Variants in PCSK6 observed in about 807,000 individuals in gnomAD.
PCSK6 encodes paired basic amino acid cleaving enzyme 4.
A neutral mutation model predicts 123.3 loss-of-function variants in PCSK6; 85 were observed. That is an observed-to-expected ratio of 0.69 (90% CI 0.58 to 0.83). PCSK6 has a LOEUF of 0.83. Among genes scored for constraint, PCSK6 ranks in the 40% least tolerant of loss-of-function variants. The pLI, the probability that PCSK6 is intolerant of heterozygous loss-of-function variation, is 0.00. For synonymous variants in PCSK6, 508 were observed against 516.0 expected, an observed-to-expected ratio of 0.98 and a Z score of 0.21; for missense variants, 1,191 against 1,282.3, an observed-to-expected ratio of 0.93 and a Z score of 1.09.
chr15:101,367,491 G>A (rs1231740632), intron 12 of PCSK6, among the ~76,000 whole-genome samples: 1 of 152,200 alleles, frequency 6.6e-6, no homozygotes, highest in Non-Finnish European at 1.5e-5. Flanking sequence ...CAATGGAGAA[G>A]AGTGAGGGGG....
chr15:101,401,517 G>A (rs1187935498), intron 6 of PCSK6, among the ~76,000 whole-genome samples: 1 of 152,202 alleles, frequency 6.6e-6, no homozygotes, highest in Non-Finnish European at 1.5e-5. Context: ...GAGTGGAGCT[G>A]TCACTCACAG....
intron 13 of PCSK6, among the ~76,000 whole-genome samples, chr15:101,344,723 C>T (rs2040691751): frequency 6.6e-6 from 1 of 152,152 alleles, no homozygotes; most frequent in African/African-American, 2.4e-5. Flanking sequence ...ATGAACTTGG[C>T]TCATTCCAAC....
At chr15:101,429,433 G>GT (rs2056372015) in intron 5 of PCSK6, among the ~76,000 whole-genome samples, 1 of 152,142 alleles carries the variant, frequency 6.6e-6, no homozygotes, top group South Asian at 2.1e-4. Context: ...ACCCTGTGAG[G>GT]TAGGGGACAT....
chr15:101,316,176 G>C (rs943923705), intron 19 of PCSK6: 1 of 152,304 alleles, frequency 6.6e-6, no homozygotes, highest in Non-Finnish European at 1.5e-5. Context: ...GAAGCCTCCA[G>C]TGACTCAGAG....
At chr15:101,486,711 G>A (rs1399542475) in intron 1 of PCSK6, among the ~76,000 whole-genome samples, 1 of 152,218 alleles carries the variant, frequency 6.6e-6, no homozygotes, top group Non-Finnish European at 1.5e-5. Flanking sequence ...TCTGGGCCAT[G>A]TGAAATAAAC....
intron 11 of PCSK6, among the ~76,000 whole-genome samples, chr15:101,376,036 A>G (rs952865244): frequency 6.6e-6 from 1 of 152,160 alleles, no homozygotes; most frequent in Non-Finnish European, 1.5e-5. Context: ...TCCATCTCAA[A>G]TAAAAACAAG....
At chr15:101,457,481 T>C (rs1479094116) in intron 1 of PCSK6, among the ~76,000 whole-genome samples, 1 of 151,850 alleles carries the variant, frequency 6.6e-6, no homozygotes, top group African/African-American at 2.4e-5. Context: ...GTCAGCTGGG[T>C]TTTTTCATAG....
At chr15:101,450,369 T>C (rs564565388) in intron 1 of PCSK6, among the ~76,000 whole-genome samples, 18 of 152,194 alleles carry the variant, frequency 1.2e-4, no homozygotes, top group Non-Finnish European at 1.9e-4. Flanking sequence ...TTCACACCCC[T>C]GTGCTCGCTC....
chr15:101,341,947 T>G (rs2040618348), intron 13 of PCSK6, among the ~76,000 whole-genome samples: 1 of 152,018 alleles, frequency 6.6e-6, no homozygotes, highest in Admixed American at 6.6e-5. Flanking sequence ...CCGGCCAACA[T>G]GGCGAAAACC....
intron 2 of PCSK6, among the ~76,000 whole-genome samples, chr15:101,440,670 A>G (rs537324478): frequency 1.3e-5 from 2 of 152,350 alleles, no homozygotes; most frequent in East Asian, 3.9e-4. Flanking sequence ...ATAATATTAA[A>G]TCATCTTTTC....
At chr15:101,423,426 G>A (rs1489029110) in intron 6 of PCSK6, among the ~76,000 whole-genome samples, 1 of 151,858 alleles carries the variant, frequency 6.6e-6, no homozygotes, top group Non-Finnish European at 1.5e-5. Flanking sequence ...ACACCTGGCT[G>A]ATTTTTTGTA....
chr15:101,313,034 G>A, intron 20 of PCSK6: 2 of 1,195,026 alleles, frequency 1.7e-6, no homozygotes, highest in Non-Finnish European at 2.1e-6. Context: ...CCCAAAACAT[G>A]GTTTCTCTGA....
chr15:101,316,759 C>T (rs1200938719), intron 19 of PCSK6, among the ~76,000 whole-genome samples: 1 of 152,176 alleles, frequency 6.6e-6, no homozygotes, highest in Non-Finnish European at 1.5e-5. Context: ...TGGCCACAGC[C>T]TTGTTCATCA....
At chr15:101,392,225 T>A (rs1314073400) in intron 8 of PCSK6, among the ~76,000 whole-genome samples, 1 of 152,200 alleles carries the variant, frequency 6.6e-6, no homozygotes, top group Non-Finnish European at 1.5e-5. Flanking sequence ...CCATTCAGCA[T>A]CTCAGCTGCC....
intron 6 of PCSK6, among the ~76,000 whole-genome samples, chr15:101,422,782 C>T (rs141036006): frequency 0.011 from 1,643 of 152,028 alleles, 15 homozygotes; most frequent in Middle Eastern, 0.034. Flanking sequence ...CCACCGCGCC[C>T]GGCTAATTTT....
At chr15:101,397,220 G>A (rs79053583) in intron 7 of PCSK6, among the ~76,000 whole-genome samples, 1,591 of 152,112 alleles carry the variant, frequency 0.01, 30 homozygotes, top group African/African-American at 0.036. Context: ...CAAACTCAAC[G>A]CACCCAGGAA....
In PCSK6 at chr15:101,477,155, C is replaced by A. The variant is rs544910054; in HGVS notation, c.297+12219G>T. Among the ~76,000 whole-genome samples, 9 of 152,286 alleles carry A rather than the reference C, an allele frequency of 5.9e-5. No homozygotes were observed. The East Asian group carries it at 1.7e-3, about 29-fold the overall frequency. ...TACACTGAGCAGCCATTACAAGTTA[C>A]GCCATAGAAGACTTATTGACGTGGG... On this transcript the variant is annotated intron_variant, in intron 1 of 21. Transcript: ENST00000611716.
In PCSK6 at chr15:101,365,114, AC is replaced by A. The variant is rs150930920; in HGVS notation, c.1858+1081del. 2.6e-3 allele frequency: 1,731 copies of A among 674,608 alleles called. 26 individuals are homozygous for A. The African/African-American group carries it at 0.027, about 10-fold the overall frequency. 41.8% of individuals were successfully genotyped at this position (674,608 alleles called of 1,614,324 possible). The stretch of plus-strand genomic sequence containing the variant: ...AATGGGTACAAAAGAATGAGTTTGG[AC>A]CCCTACCTCACACCATATACAAAAA... On this transcript the variant is annotated intron_variant, in intron 13 of 21. Coordinates refer to ENST00000611716, the MANE Select transcript of PCSK6 (RefSeq NM_002570.5).
At chr15:101,413,107 G>A (rs1438690466) in intron 6 of PCSK6, among the ~76,000 whole-genome samples, 1 of 152,080 alleles carries the variant, frequency 6.6e-6, no homozygotes, top group Non-Finnish European at 1.5e-5. Context: ...TCCAAATTTG[G>A]CAAGAGATAT....
Sources: allele counts gnomAD v4.1 joint callset (sites outside exome capture counted in the v4.1 genomes callset), GRCh38; gene constraint gnomAD v4.1.1; transcripts MANE v1.5; gene names NCBI Gene and HGNC (gene_info 2026-07-23, HGNC 2026-07-21).